SGK3: variants seen among roughly 807,000 people sequenced by gnomAD.
SGK3 encodes serine/threonine-protein kinase Sgk3.
Under a neutral mutation model 68.5 loss-of-function variants are expected in SGK3, and 47 were observed. The observed-to-expected ratio is 0.69, with a 90% CI of 0.54 to 0.87. The LOEUF (loss-of-function observed/expected upper bound fraction) is 0.87. Among genes scored for constraint, SGK3 ranks in the 40% least tolerant of loss-of-function variants. SGK3 has a pLI of 0.00. For synonymous variants in SGK3, 181 were observed against 189.1 expected (o/e 0.96, Z 0.35); for missense variants, 479 against 575.5 (o/e 0.83, Z 1.72).
At chr8:66,851,601 G>C (rs1810293388) in intron 16 of SGK3, among the ~76,000 whole-genome samples, 1 of 151,200 alleles carries the variant, frequency 6.6e-6, no homozygotes, top group Admixed American at 6.6e-5. Flanking sequence ...TTACTTTCTT[G>C]GGAAAACAAT....
intron 5 of SGK3, among the ~76,000 whole-genome samples, chr8:66,814,512 C>G (rs1808501963): frequency 6.6e-6 from 1 of 152,182 alleles, no homozygotes; most frequent in Non-Finnish European, 1.5e-5. Context: ...AAAGCCTGAA[C>G]CGTCAGGACA....
At chr8:66,723,821 C>T (rs1804895381) in intron 1 of SGK3, among the ~76,000 whole-genome samples, 1 of 152,148 alleles carries the variant, frequency 6.6e-6, no homozygotes, top group South Asian at 2.1e-4. Flanking sequence ...ACAATTTAGT[C>T]CATTCTGACA....
intron 3 of SGK3, among the ~76,000 whole-genome samples, chr8:66,800,379 CTTT>C (rs35415180): frequency 2.0e-5 from 2 of 102,388 alleles, no homozygotes; most frequent in African/African-American, 7.2e-5. Context: ...TTTTTCATTT[CTTT>C]TTTTTTTTTT....
In SGK3 at chr8:66,859,659, C is replaced by A; in HGVS notation, c.*78C>A. 6 of 1,419,362 alleles carry A rather than the reference C, an allele frequency of 4.2e-6. No individual in the cohort carries two copies. The East Asian group carries it at 1.2e-4, about 28-fold the overall frequency. The allele number at this position is 1,419,362 out of a possible 1,614,324, so 87.9% of individuals were successfully genotyped here. A position where few individuals can be genotyped will look rare whatever the true frequency, so the allele number is the denominator to read the frequency against. On this transcript the variant is annotated 3_prime_UTR_variant, in exon 17 of 17. Transcript: ENST00000521198. ...AAACTTCTATTTGTGTGAATATATT[C>A]AAATATGTATAACTAGTGCCTCATT...
intron 8 of SGK3, among the ~76,000 whole-genome samples, chr8:66,832,240 G>C (rs1015991243): frequency 6.6e-6 from 1 of 152,140 alleles, no homozygotes; most frequent in Non-Finnish European, 1.5e-5. Flanking sequence ...AATCACTTAA[G>C]GCCAGGGTTA....
intron 1 of SGK3, among the ~76,000 whole-genome samples, chr8:66,789,714 A>G (rs559101836): frequency 6.6e-6 from 1 of 152,282 alleles, no homozygotes; most frequent in South Asian, 2.1e-4. Context: ...ATCATCCTGG[A>G]AAATTGCTGC....
intron 1 of SGK3, among the ~76,000 whole-genome samples, chr8:66,784,187 C>T (rs1480634995): frequency 6.6e-6 from 1 of 152,146 alleles, no homozygotes; most frequent in Non-Finnish European, 1.5e-5. Context: ...AGGTGTCAAC[C>T]ATCACCCGGC....
At chr8:66,830,602 A>T (rs962005554) in intron 7 of SGK3, among the ~76,000 whole-genome samples, 1 of 152,218 alleles carries the variant, frequency 6.6e-6, no homozygotes, top group Admixed American at 6.5e-5. Context: ...ATAACAGCCA[A>T]TGCTGTTTTT....
intron 16 of SGK3, among the ~76,000 whole-genome samples, chr8:66,855,517 T>A (rs1810476956): frequency 6.6e-6 from 1 of 152,150 alleles, no homozygotes; most frequent in Non-Finnish European, 1.5e-5. Flanking sequence ...ACATAAGATT[T>A]TAGTATATGT....
chr8:66,819,202 A>G (rs1178537604), intron 5 of SGK3, among the ~76,000 whole-genome samples: 3 of 152,192 alleles, frequency 2.0e-5, no homozygotes, highest in Non-Finnish European at 4.4e-5. Context: ...ATTATCCAAG[A>G]TGTTAATATA....
intron 12 of SGK3, among the ~76,000 whole-genome samples, chr8:66,840,502 G>A (rs531078350): frequency 5.3e-5 from 8 of 152,240 alleles, no homozygotes; most frequent in South Asian, 4.1e-4. Flanking sequence ...TCTGTATTGC[G>A]TAGAGCTACA....
intron 6 of SGK3, among the ~76,000 whole-genome samples, chr8:66,828,420 TA>T (rs2130689510): frequency 6.6e-6 from 1 of 152,336 alleles, no homozygotes; most frequent in South Asian, 2.1e-4. Flanking sequence ...ATTTCTGGCT[TA>T]CCTTTTTTCT....
intron 1 of SGK3, among the ~76,000 whole-genome samples, chr8:66,787,617 C>T (rs1214374878): frequency 6.6e-6 from 1 of 152,144 alleles, no homozygotes; most frequent in African/African-American, 2.4e-5. Flanking sequence ...GCTTTGGCCA[C>T]TTTGTCATCG....
chr8:66,788,644 C>T (rs959695721), intron 1 of SGK3, among the ~76,000 whole-genome samples: 4 of 152,262 alleles, frequency 2.6e-5, no homozygotes, highest in South Asian at 4.2e-4. Flanking sequence ...AACAGCATAT[C>T]CAAGTATTGA....
intron 1 of SGK3, chr8:66,737,549 G>A (rs1805359041): frequency 6.6e-6 from 1 of 151,806 alleles, no homozygotes; most frequent in South Asian, 2.1e-4. Context: ...TACTCTTCAG[G>A]CTGTATTATA....
At chr8:66,820,679 C>A (rs189384790) in intron 5 of SGK3, among the ~76,000 whole-genome samples, 2 of 152,156 alleles carry the variant, frequency 1.3e-5, no homozygotes, top group East Asian at 3.9e-4. Context: ...CAGTCCAATT[C>A]TTTTTATTTT....
In SGK3 at chr8:66,798,531, T is replaced by G; in HGVS notation, c.97-11T>G. ...AATTGTGTTATATTATGTAATTTTTTATTTCCACAGGTTTATAAAGTTCTG... is the reference window on the plus strand; with the variant it reads ...AATTGTGTTATATTATGTAATTTTTGATTTCCACAGGTTTATAAAGTTCTG... On this transcript the variant is annotated splice_polypyrimidine_tract_variant and intron_variant, in intron 2 of 16. Coordinates refer to ENST00000521198, the MANE Select transcript of SGK3 (RefSeq NM_001033578.3). 6.3e-7 allele frequency: 1 copy of G among 1,597,074 alleles called. No individual in the cohort carries two copies. The highest frequency in any genetic ancestry group is 1.7e-4 in the Middle Eastern group (1 of 5,930).
chr8:66,781,970 A>G (rs1807004405), intron 1 of SGK3, among the ~76,000 whole-genome samples: 1 of 152,204 alleles, frequency 6.6e-6, no homozygotes, highest in South Asian at 2.1e-4. Context: ...GCTACTATGT[A>G]TCTTTCATTG....
Position 66,793,762 on chromosome 8 carries a change from A to G in SGK3, c.26A>G (p.Tyr9Cys). Residue 9 changes from tyrosine (Y) to cysteine (C), a missense_variant, in exon 2 of 17, where the codon TAC becomes TGC. By Grantham distance (194) the Tyr-to-Cys change is radical. Around this residue, in one of 3 missense-constraint regions of SGK3, gnomAD observed 298 missense variants for 329.4 expected, o/e 0.90. Transcript: ENST00000521198. MQRDHTMD[Y>C]KESCPSVSIP... ...ATGCAAAGAGATCACACCATGGACT[A>G]CAAGGAAAGCTGCCCAAGTGTAAGC... 1.2e-6 allele frequency: 2 copies of G among 1,613,500 alleles called. No homozygotes were observed. Among genetic ancestry groups the G allele is most frequent in the East Asian group, 2.2e-5 (1 of 44,828 alleles).
Sources: gnomAD v4.1 joint callset for allele counts (sites outside exome capture counted in the v4.1 genomes callset) on GRCh38, gnomAD v4.1.1 for gene constraint, gnomAD v4.1.1 regional missense constraint, MANE v1.5 for transcripts, NCBI Gene and HGNC (gene_info 2026-07-23, HGNC 2026-07-21) for gene names.